Variants in TOP1MT observed in about 807,000 individuals in gnomAD.
The protein encoded by TOP1MT is DNA topoisomerase I, mitochondrial.
In TOP1MT, 80 loss-of-function variants were observed where a neutral mutation model predicts 73.9. The observed-to-expected ratio is 1.08, with a 90% CI of 0.90 to 1.30. TOP1MT has a LOEUF of 1.30. Among genes scored for constraint, TOP1MT ranks in the 50% most tolerant of loss-of-function variants. The pLI, the probability that TOP1MT is intolerant of heterozygous loss-of-function variation, is 0.00. For synonymous variants in TOP1MT, 338 were observed against 326.4 expected (o/e 1.04, Z -0.38); for missense variants, 815 against 808.0 (o/e 1.01, Z -0.10).
intron 3 of TOP1MT, among the ~76,000 whole-genome samples, chr8:143,327,029 A>G (rs904444780): frequency 6.6e-6 from 1 of 152,302 alleles, no homozygotes; most frequent in South Asian, 2.1e-4. Flanking sequence ...CCCTGCCCTA[A>G]GGCCCTAAAT....
chr8:143,329,355 G>T lies in TOP1MT; in HGVS notation c.355C>A (p.Arg119=). ...VFRKNFFNDW[R]KEMAVEEREV... Reference sequence around the variant, plus strand: ...CGGCCGCCCAGGGTACCTACCTTTCGCCAGTCATTGAAGAAGTTCTTCCGG... The same window carrying T: ...CGGCCGCCCAGGGTACCTACCTTTCTCCAGTCATTGAAGAAGTTCTTCCGG... The change falls in exon 3 of 14, where the codon CGA becomes AGA. Residue 119 remains arginine (R), a synonymous_variant. Coordinates refer to ENST00000329245, the MANE Select transcript of TOP1MT (RefSeq NM_052963.3). 1 of 1,606,440 alleles carries T rather than the reference G, an allele frequency of 6.2e-7. No homozygotes were observed.
rs777472352 is a variant in TOP1MT at position 143,321,236 on chromosome 8, T to C, written c.1111A>G (p.Ile371Val). 26 of 1,611,498 alleles carry C rather than the reference T, an allele frequency of 1.6e-5. No individual in the cohort carries two copies. Among genetic ancestry groups the C allele is most frequent in the East Asian group, 6.7e-5 (3 of 44,836 alleles). The change falls in exon 8 of 14, where the codon ATC becomes GTC. Residue 371 changes from isoleucine to valine, a missense_variant. Coordinates refer to ENST00000329245, the MANE Select transcript of TOP1MT (RefSeq NM_052963.3). ...ACCGGCACTCTGTTGTAGTAGCGGATGCAGTCCTTCCCCAGGAAGTCAAAT... is the reference window on the plus strand; with the variant it reads ...ACCGGCACTCTGTTGTAGTAGCGGACGCAGTCCTTCCCCAGGAAGTCAAAT... Reference protein sequence around the residue: ...VEFDFLGKDCIRYYNRVPVEK... With the variant: ...VEFDFLGKDCVRYYNRVPVEK...
Position 143,310,083 on chromosome 8 carries a change from C to T in TOP1MT, c.1688G>A (p.Arg563Lys). The T allele has an allele frequency of 6.2e-7, 1 of 1,613,084 alleles. No homozygotes were observed. The highest frequency in any genetic ancestry group is 8.5e-7 in the Non-Finnish European group (1 of 1,179,994). Residue 563 changes from arginine (R) to lysine (K), a missense_variant, in exon 13 of 14, where the codon AGG becomes AAG. By Grantham distance (26) the Arg-to-Lys change is conservative. This residue lies in a region of TOP1MT where 751 missense variants were observed against 725.4 expected (regional missense o/e 1.04). Coordinates refer to ENST00000329245, the MANE Select transcript of TOP1MT (RefSeq NM_052963.3). ...GTSKLNYLDP[R>K]ISIAWCKRFR... ...GCACACGCACCAGGCAATGCTGATC[C>T]TGGGGTCCAGGTAGTTGAGCTTGGA...
At chr8:143,358,267 G>A (rs1008461081), upstream of TOP1MT, among the ~76,000 whole-genome samples, 9 of 152,044 alleles carry the variant, frequency 5.9e-5, no homozygotes, top group African/African-American at 1.9e-4. Context: ...AAAGAAATAC[G>A]CTCCTGTAAC....
chr8:143,309,529 C>T lies in TOP1MT; in HGVS notation c.1718G>A (p.Arg573Lys). 6.2e-7 allele frequency: 1 copy of T among 1,613,940 alleles called. No homozygotes were observed. The highest frequency in any genetic ancestry group is 8.5e-7 in the Non-Finnish European group (1 of 1,180,000). ...GCTGTAGATCTTCTCCACTGGCACC[C>T]TGAACCGCTTGCACCTGCGGGAGGC... is the stretch of plus-strand genomic sequence containing the variant. ...RISIAWCKRFRVPVEKIYSKT... is the reference protein window; with the variant it reads ...RISIAWCKRFKVPVEKIYSKT... The change falls in exon 14 of 14, where the codon AGG (arginine) becomes AAG (lysine). Residue 573 changes from arginine to lysine, a missense_variant. Arg to Lys is a conservative substitution (Grantham distance 26). Transcript: ENST00000329245.
At chr8:143,322,110 A>G (rs1255454105) in intron 7 of TOP1MT, among the ~76,000 whole-genome samples, 1 of 94,582 alleles carries the variant, frequency 1.1e-5, no homozygotes, top group Non-Finnish European at 2.1e-5. Flanking sequence ...CACGCCACAC[A>G]TGCACGCCAC....
In TOP1MT at chr8:143,329,206, G is replaced by A. The variant is rs1021137946; in HGVS notation, c.360+144C>T. The A allele has an allele frequency of 4.5e-5, 41 of 917,298 alleles. 1 individual carries two copies. The highest frequency in any genetic ancestry group is 2.6e-4 in the African/African-American group (15 of 58,376). The allele number at this position is 917,298 out of a possible 1,614,324, so 56.8% of individuals were successfully genotyped here. A position where few individuals can be genotyped will look rare whatever the true frequency, so the allele number is the denominator to read the frequency against. On this transcript the variant is annotated intron_variant, in intron 3 of 13. Transcript: ENST00000329245. ...GGCTTGAGCCCAGGAGCTCGAAGCT[G>A]CAAAGAGCCATGACGGCACCTGTGA... is the stretch of plus-strand genomic sequence containing the variant.
intron 7 of TOP1MT, among the ~76,000 whole-genome samples, chr8:143,321,821 G>A (rs1179349589): frequency 1.6e-4 from 10 of 63,112 alleles, no homozygotes; most frequent in Non-Finnish European, 2.0e-4. Flanking sequence ...ACACACACAC[G>A]CACGCTACAC....
In TOP1MT at chr8:143,316,125, G is replaced by A. The variant is rs199599326; in HGVS notation, c.1332C>T (p.Ala444=). Residue 444 remains alanine (A), a splice_region_variant and synonymous_variant, in exon 11 of 14, where the codon GCC becomes GCT. Transcript: ENST00000329245. Reference sequence around the variant, plus strand: ...AGATCTTAGCTGCTATGCTGTCCTCGGCTGAGAGGCACGGGCTGTCAGAGG... The same window carrying A: ...AGATCTTAGCTGCTATGCTGTCCTCAGCTGAGAGGCACGGGCTGTCAGAGG... ...LQEQLRALTR[A]EDSIAAKILS... 131 of 1,614,066 alleles carry A rather than the reference G, an allele frequency of 8.1e-5. No individual in the cohort carries two copies. The East Asian group carries it at 2.0e-3, about 24-fold the overall frequency.
At chr8:143,320,848 A>G (rs1078329) in intron 8 of TOP1MT, among the ~76,000 whole-genome samples, 76,540 of 152,098 alleles carry the variant, frequency 0.5, 20,724 homozygotes, top group East Asian at 0.76. Flanking sequence ...ACCTTGACTC[A>G]GACTCTGGCC....
At chr8:143,338,094 C>T (rs1433626339), upstream of TOP1MT, among the ~76,000 whole-genome samples, 1 of 152,162 alleles carries the variant, frequency 6.6e-6, no homozygotes, top group Non-Finnish European at 1.5e-5. Flanking sequence ...ATTAAAACCT[C>T]TTATTCCCTA....
intron 5 of TOP1MT, among the ~76,000 whole-genome samples, 158 bp from the exon 6 acceptor site, chr8:143,324,787 G>C (rs1022977751): frequency 1.3e-5 from 2 of 152,182 alleles, no homozygotes; most frequent in Non-Finnish European, 2.9e-5. Flanking sequence ...TGGCAGCTCA[G>C]ACAAAAGCAG....
intron 2 of TOP1MT, among the ~76,000 whole-genome samples, chr8:143,342,810 A>G (rs1817150402): frequency 2.0e-5 from 1 of 49,646 alleles, no homozygotes; most frequent in African/African-American, 4.4e-5. Flanking sequence ...TTAGAGACAG[A>G]GTCTCGCTCT....
intron 1 of TOP1MT, among the ~76,000 whole-genome samples, chr8:143,354,617 C>CA (rs1169603903): frequency 6.6e-6 from 1 of 151,712 alleles, no homozygotes; most frequent in African/African-American, 2.4e-5. Context: ...GAGGCTGAGG[C>CA]AGGAGAATCG....
intron 12 of TOP1MT, among the ~76,000 whole-genome samples, chr8:143,314,247 C>G (rs1816091631): frequency 6.6e-6 from 1 of 152,178 alleles, no homozygotes; most frequent in South Asian, 2.1e-4. Context: ...GTCTCCTCCT[C>G]CCACGGCTCC....
At chr8:143,336,844 C>A (rs1586776436), upstream of TOP1MT, among the ~76,000 whole-genome samples, 1 of 151,976 alleles carries the variant, frequency 6.6e-6, no homozygotes, top group Admixed American at 6.6e-5. Context: ...AAAAAAGAAT[C>A]CACAAAAACT....
At chr8:143,347,870 G>A (rs939957929), upstream of TOP1MT, among the ~76,000 whole-genome samples, 6 of 152,216 alleles carry the variant, frequency 3.9e-5, no homozygotes, top group Non-Finnish European at 5.9e-5. Context: ...CTCAGGCACC[G>A]AGGTGAGGAC....
upstream of TOP1MT, among the ~76,000 whole-genome samples, chr8:143,357,196 G>A (rs986768447): frequency 8.6e-5 from 13 of 151,154 alleles, no homozygotes; most frequent in South Asian, 4.2e-4. Context: ...GAGCCTAGGC[G>A]TTCTAGACTA....
In TOP1MT at chr8:143,317,769, G is replaced by C; in HGVS notation, c.1284C>G (p.Tyr428Ter). The change falls in exon 10 of 14, where the codon TAC becomes TAG. Residue 428 changes from tyrosine (Y) to a stop codon, truncating the protein, a stop_gained. Transcript: ENST00000329245. LOFTEE classifies it high-confidence loss of function. ...DGLTAKVFRT[Y>*]NASITLQEQL... ...GCTCCTGCAGAGTGATGGAGGCGTTGTAGGTCCGGAACACCTTGGCCGTCA... is the reference window on the plus strand; with the variant it reads ...GCTCCTGCAGAGTGATGGAGGCGTTCTAGGTCCGGAACACCTTGGCCGTCA... 1 of 1,614,166 alleles carries C rather than the reference G, an allele frequency of 6.2e-7. No individual in the cohort carries two copies. Among genetic ancestry groups the C allele is most frequent in the Non-Finnish European group, 8.5e-7 (1 of 1,180,032 alleles).
Sources: gnomAD v4.1 joint callset for allele counts (sites outside exome capture counted in the v4.1 genomes callset) on GRCh38, gnomAD v4.1.1 for gene constraint, gnomAD v4.1.1 regional missense constraint, MANE v1.5 for transcripts, NCBI Gene and HGNC (gene_info 2026-07-23, HGNC 2026-07-21) for gene names.